Variants in RDH13 observed in about 807,000 individuals in gnomAD.
The protein encoded by RDH13 is retinol dehydrogenase 13 (all-trans and 9-cis).
A neutral mutation model predicts 28.3 loss-of-function variants in RDH13; 35 were observed. The ratio of observed to expected loss-of-function variants is 1.24; its 90% CI spans 0.95 to 1.64. The LOEUF (loss-of-function observed/expected upper bound fraction) is 1.64. Among genes scored for constraint, RDH13 ranks in the 40% most tolerant of loss-of-function variants. The pLI is 0.00. For synonymous variants in RDH13, 229 were observed against 198.5 expected, an observed-to-expected ratio of 1.15 and a Z score of -1.29; for missense variants, 514 against 446.3, an observed-to-expected ratio of 1.15 and a Z score of -1.37.
chr19:55,045,157 C>A lies in RDH13; in HGVS notation c.913G>T (p.Val305Leu). The A allele has an allele frequency of 6.2e-7, 1 of 1,613,728 alleles. No homozygotes were observed. The highest frequency in any genetic ancestry group is 8.5e-7 in the Non-Finnish European group (1 of 1,180,032). Reference sequence around the variant, plus strand: ...CTTTCAGCCCAAAGCCTCCGGGCCACCTCCTCATCCTCAGCCTCGGGGGCC... The same window carrying A: ...CTTTCAGCCCAAAGCCTCCGGGCCAACTCCTCATCCTCAGCCTCGGGGGCC... ...APAPEAEDEE[V>L]ARRLWAESAR... The change falls in exon 7 of 7, where the codon GTG (valine) becomes TTG (leucine). Residue 305 changes from valine to leucine, a missense_variant. Coordinates refer to ENST00000415061, the MANE Select transcript of RDH13 (RefSeq NM_001145971.2).
At position 55,044,993 on chromosome 19, in the gene RDH13, A is replaced by C; in HGVS notation, c.*81T>G. 9.5e-7 allele frequency: 1 copy of C among 1,049,120 alleles called. No individual in the cohort carries two copies. Among genetic ancestry groups the C allele is most frequent in the Non-Finnish European group, 1.4e-6 (1 of 715,264 alleles). The allele number at this position is 1,049,120 out of a possible 1,614,324, so 65.0% of individuals were successfully genotyped here. On this transcript the variant is annotated 3_prime_UTR_variant, in exon 7 of 7. Coordinates refer to ENST00000415061, the MANE Select transcript of RDH13 (RefSeq NM_001145971.2). ...CAGTCCTGGGTCTCCCGGCTCAGGT[A>C]GTGCCAGGAAGCTGCGGGCATGGCG... is the stretch of plus-strand genomic sequence containing the variant.
intron 3 of RDH13, 114 bp downstream of exon 3, chr19:55,056,539 T>G (rs1274144635): frequency 1.0e-5 from 14 of 1,367,852 alleles, no homozygotes; most frequent in Non-Finnish European, 1.4e-5. Flanking sequence ...GGCCCCTAAC[T>G]CATAGTTTGC....
chr19:55,047,100 G>A, intron 6 of RDH13: 1 of 1,335,116 alleles, frequency 7.5e-7, no homozygotes, highest in South Asian at 1.9e-5. Context: ...TGAAGCTGGA[G>A]TTACCCTGAG....
chr19:55,059,112 G>A, intron 2 of RDH13, 45 bp downstream of exon 2: 2 of 1,247,670 alleles, frequency 1.6e-6, no homozygotes, highest in Non-Finnish European at 2.3e-6. Context: ...AGTGAGCATG[G>A]ATGTACAGAT....
In RDH13 at chr19:55,044,594, G is replaced by T. The variant is rs145408071; in HGVS notation, c.*480C>A. 2.2e-3 allele frequency: 351 copies of T among 157,450 alleles called. No individual in the cohort carries two copies. Among genetic ancestry groups the T allele is most frequent in the African/African-American group, 7.8e-3 (325 of 41,750 alleles). The allele number at this position is 157,450 out of a possible 1,614,324, so 9.8% of individuals were successfully genotyped here. On this transcript the variant is annotated 3_prime_UTR_variant, in exon 7 of 7. Coordinates refer to ENST00000415061, the MANE Select transcript of RDH13 (RefSeq NM_001145971.2). ...AGCTCGCTGTACCACACCATCATGG[G>T]AGACAGCAGTTATTCTGAGCATCTC...
At chr19:55,052,827 A>AT (rs1397486406) in intron 3 of RDH13, among the ~76,000 whole-genome samples, 1 of 151,532 alleles carries the variant, frequency 6.6e-6, no homozygotes, top group Non-Finnish European at 1.5e-5. Context: ...CGCCCGGCTA[A>AT]TTTTTTTGTG....
chr19:55,048,070 G>A (rs769018855), intron 5 of RDH13: 166 of 1,486,640 alleles, frequency 1.1e-4, no homozygotes, highest in East Asian at 4.5e-4. Context: ...AGGCTGAGCT[G>A]CCTGCCCAAC....
chr19:55,045,317 C>T lies in RDH13; in HGVS notation c.761-8G>A. ...GCAGCCAGAAGATGGGCCCTGCAAT[C>T]AGCCCACAGGGCATTTAGTCCACAC... is the stretch of plus-strand genomic sequence containing the variant. On this transcript the variant is annotated splice_region_variant and splice_polypyrimidine_tract_variant and intron_variant, in intron 6 of 6. Coordinates refer to ENST00000415061, the MANE Select transcript of RDH13 (RefSeq NM_001145971.2). 6.2e-7 allele frequency: 1 copy of T among 1,607,158 alleles called. No individual in the cohort carries two copies. Among genetic ancestry groups the T allele is most frequent in the Admixed American group, 1.7e-5 (1 of 59,692 alleles).
chr19:55,047,685 C>T (rs576323713), intron 5 of RDH13, among the ~76,000 whole-genome samples, 197 bp from the exon 6 acceptor site: 1 of 152,294 alleles, frequency 6.6e-6, no homozygotes, highest in Non-Finnish European at 1.5e-5. Flanking sequence ...TGCTGGGAGC[C>T]GAGCTTTCCT....
At chr19:55,040,503 G>C (rs797004850), downstream of RDH13, 3 of 152,186 alleles carry the variant, frequency 2.0e-5, no homozygotes, top group African/African-American at 7.2e-5. Context: ...AACTATCAGG[G>C]TGTTGATATC....
chr19:55,061,204 T>G (rs1425572397), intron 1 of RDH13, among the ~76,000 whole-genome samples: 2 of 152,188 alleles, frequency 1.3e-5, no homozygotes, highest in Admixed American at 6.5e-5. Context: ...CTCAGCTCAC[T>G]GTAACCTTCG....
chr19:55,047,510 G>C (rs772859556), intron 5 of RDH13, 22 bp from the exon 6 acceptor site: 24 of 1,592,766 alleles, frequency 1.5e-5, no homozygotes, highest in Non-Finnish European at 1.8e-5. Flanking sequence ...AGAAAGAGAA[G>C]ACTGAGGGAG....
At chr19:55,041,896 A>G (rs1422817357), downstream of RDH13, 1 of 152,250 alleles carries the variant, frequency 6.6e-6, no homozygotes, top group African/African-American at 2.4e-5. Flanking sequence ...CAGCCTGACT[A>G]GGAAGCCAGA....
intron 1 of RDH13, chr19:55,068,586 A>C (rs993287321): frequency 5.3e-5 from 8 of 151,634 alleles, no homozygotes; most frequent in African/African-American, 1.9e-4. Context: ...CTGTAATCCC[A>C]GCACTTTGGG....
intron 1 of RDH13, 127 bp downstream of exon 1, chr19:55,062,841 C>A: frequency 3.8e-6 from 3 of 794,930 alleles, no homozygotes; most frequent in South Asian, 5.0e-5. Context: ...CCACTCCGGG[C>A]GGGCACTGCG....
intron 5 of RDH13, 45 bp downstream of exon 5, chr19:55,048,284 G>A (rs777238803): frequency 4.3e-6 from 7 of 1,610,954 alleles, no homozygotes; most frequent in African/African-American, 4.0e-5. Context: ...GCCGCTCTAG[G>A]CTCAGAGTAA....
chr19:55,047,388 G>C lies in RDH13; in HGVS notation c.759C>G (p.Leu253=), dbSNP rs17296594. The part of the protein sequence containing the change: ...IHGSTFSSTT[L]GPIFWLLVKS... ...ACCCCAGGCTGGGAGGGGACTCACC[G>C]AGTGTGGTGCTGGAGAAGGTGGAGC... The change falls in exon 6 of 7, where the codon CTC becomes CTG. Residue 253 remains leucine (L), a splice_region_variant and synonymous_variant. Transcript: ENST00000415061. 11 of 1,611,370 alleles carry C rather than the reference G, an allele frequency of 6.8e-6. No homozygotes were observed. The highest frequency in any genetic ancestry group is 7.6e-6 in the Non-Finnish European group (9 of 1,179,806).
chr19:55,064,445 A>T (rs1195686920), upstream of RDH13: 1 of 151,546 alleles, frequency 6.6e-6, no homozygotes, highest in Non-Finnish European at 1.5e-5. Flanking sequence ...AGGCCTGTAG[A>T]CCTTAAGCTC....
At chr19:55,062,846 A>G (rs2075847839) in intron 1 of RDH13, 122 bp downstream of exon 1, 2 of 856,414 alleles carry the variant, frequency 2.3e-6, no homozygotes. Context: ...CCGGGCGGGC[A>G]CTGCGGGTCG....
Sources: gnomAD v4.1 joint callset for allele counts (sites outside exome capture counted in the v4.1 genomes callset) on GRCh38, gnomAD v4.1.1 for gene constraint, MANE v1.5 for transcripts, NCBI Gene and HGNC (gene_info 2026-07-23, HGNC 2026-07-21) for gene names.